GPC6: variants seen among roughly 807,000 people sequenced by gnomAD.
GPC6 encodes glypican 6.
In GPC6, 14 loss-of-function variants were observed where a neutral mutation model predicts 55.2. The observed-to-expected ratio is 0.25, with a 90% CI of 0.17 to 0.40. The LOEUF (loss-of-function observed/expected upper bound fraction) is 0.40, where lower values mean the gene tolerates loss of function less well. Among genes scored for constraint, GPC6 ranks in the 10% least tolerant of loss-of-function variants. The pLI is 1.00. For missense variants in GPC6, 641 were observed against 708.5 expected (o/e 0.90, Z 1.08); for synonymous variants, 278 against 259.6 (o/e 1.07, Z -0.68).
chr13:93,705,030 T>C (rs1882800929), intron 2 of GPC6, among the ~76,000 whole-genome samples: 1 of 151,960 alleles, frequency 6.6e-6, no homozygotes, highest in Non-Finnish European at 1.5e-5. Context: ...ACGTGGTTCC[T>C]CTAGGCATGT....
At chr13:94,180,542 G>A (rs1888954873) in intron 4 of GPC6, among the ~76,000 whole-genome samples, 1 of 152,274 alleles carries the variant, frequency 6.6e-6, no homozygotes, top group Non-Finnish European at 1.5e-5. Context: ...GCATTAAAAT[G>A]TAAGATGTTT....
chr13:93,543,151 G>T (rs952670383), intron 1 of GPC6, among the ~76,000 whole-genome samples: 4 of 152,026 alleles, frequency 2.6e-5, no homozygotes, highest in Non-Finnish European at 5.9e-5. Context: ...TATGATATTG[G>T]CTGTGGGTTT....
At chr13:94,195,850 G>T (rs1381601557) in intron 4 of GPC6, among the ~76,000 whole-genome samples, 1 of 152,182 alleles carries the variant, frequency 6.6e-6, no homozygotes, top group Non-Finnish European at 1.5e-5. Context: ...GTTTACGGGT[G>T]ACTAAGGTTC....
At chr13:94,273,934 A>G (rs893040817) in intron 4 of GPC6, among the ~76,000 whole-genome samples, 7 of 152,210 alleles carry the variant, frequency 4.6e-5, no homozygotes, top group African/African-American at 1.7e-4. Flanking sequence ...TGAAGAATCA[A>G]CAATAAAAAT....
chr13:93,551,707 T>C (rs922664997), intron 2 of GPC6, among the ~76,000 whole-genome samples: 2 of 152,174 alleles, frequency 1.3e-5, no homozygotes, highest in African/African-American at 4.8e-5. Flanking sequence ...GAATGATTAT[T>C]TCTGTATCAT....
At chr13:93,638,309 A>G (rs533843185) in intron 2 of GPC6, among the ~76,000 whole-genome samples, 19 of 152,218 alleles carry the variant, frequency 1.2e-4, no homozygotes, top group African/African-American at 4.3e-4. Flanking sequence ...AATTTTAACT[A>G]TTCATGATAG....
intron 3 of GPC6, among the ~76,000 whole-genome samples, chr13:93,890,429 A>G (rs146157991): frequency 0.01 from 1,591 of 152,170 alleles, 28 homozygotes; most frequent in African/African-American, 0.036. Flanking sequence ...ATCAATAAGT[A>G]TTTGTCGATG....
At chr13:94,205,458 CAA>C (rs1277645026) in intron 4 of GPC6, among the ~76,000 whole-genome samples, 3 of 152,092 alleles carry the variant, frequency 2.0e-5, no homozygotes, top group Non-Finnish European at 4.4e-5. Context: ...GCAAAAACAC[CAA>C]GAGGCCTATT....
intron 1 of GPC6, among the ~76,000 whole-genome samples, chr13:93,326,700 C>T (rs2139130864): frequency 6.6e-6 from 1 of 152,254 alleles, no homozygotes; most frequent in African/African-American, 2.4e-5. Context: ...GAATATTGAA[C>T]TCATATTTAC....
intron 5 of GPC6, among the ~76,000 whole-genome samples, chr13:94,290,840 A>T (rs941029779): frequency 7.2e-5 from 11 of 152,242 alleles, no homozygotes; most frequent in Non-Finnish European, 1.2e-4. Flanking sequence ...CTGTTAATAA[A>T]GAATGTACTT....
intron 4 of GPC6, among the ~76,000 whole-genome samples, chr13:94,058,283 G>A (rs1884200544): frequency 6.6e-6 from 1 of 152,154 alleles, no homozygotes; most frequent in Admixed American, 6.6e-5. Flanking sequence ...ATGATTTCTG[G>A]CCTTCTATTT....
rs527899019 is a variant in GPC6, at chr13:93,583,880, T to C, written c.319+38459T>C. Among the ~76,000 whole-genome samples the C allele has an allele frequency of 3.9e-5, 6 of 152,292 alleles. 1 individual carries two copies. The highest frequency in any genetic ancestry group is 1.4e-4 in the African/African-American group (6 of 41,560). On this transcript the variant is annotated intron_variant, in intron 2 of 8. Transcript: ENST00000377047. Reference sequence around the variant, plus strand: ...CAGTTTTGACATCCTAATCCTTTGGTCTCTGTATCTTCATCCCTCAACCAC... The same window carrying C: ...CAGTTTTGACATCCTAATCCTTTGGCCTCTGTATCTTCATCCCTCAACCAC...
chr13:93,434,948 G>A lies in GPC6; in HGVS notation c.161-110315G>A, dbSNP rs150216283. ...TCTCGATCTCTTAACCTGGTGATCC[G>A]CCTGCCTTGGCCTCCCAAAGTGCTG... On this transcript the variant is annotated intron_variant, in intron 1 of 8. Coordinates refer to ENST00000377047, the MANE Select transcript of GPC6 (RefSeq NM_005708.5). 2.9e-3 allele frequency among the ~76,000 whole-genome samples: 437 copies of A among 152,106 alleles called. 2 individuals are homozygous for A. The highest frequency in any genetic ancestry group is 0.01 in the African/African-American group (425 of 41,498).
At chr13:94,275,951 A>G (rs1892188966) in intron 4 of GPC6, among the ~76,000 whole-genome samples, 2 of 152,230 alleles carry the variant, frequency 1.3e-5, no homozygotes, top group Admixed American at 6.5e-5. Flanking sequence ...TTGAGACTTA[A>G]AGAATCAGAT....
At chr13:94,046,629 T>C (rs1256017611) in intron 4 of GPC6, among the ~76,000 whole-genome samples, 1 of 152,136 alleles carries the variant, frequency 6.6e-6, no homozygotes, top group African/African-American at 2.4e-5. Context: ...CTTTTATTTC[T>C]TATAACATGA....
chr13:93,714,804 A>G (rs532457212), intron 2 of GPC6, among the ~76,000 whole-genome samples: 3 of 151,526 alleles, frequency 2.0e-5, no homozygotes, highest in African/African-American at 7.3e-5. Flanking sequence ...CAGTGTTACT[A>G]TGTTTAATAT....
chr13:94,258,458 C>T (rs1891564773), intron 4 of GPC6, among the ~76,000 whole-genome samples: 1 of 152,208 alleles, frequency 6.6e-6, no homozygotes, highest in Admixed American at 6.5e-5. Flanking sequence ...CAAAAGAAGA[C>T]TCTGGGTTTT....
chr13:93,533,315 ACT>A (rs1412700664), intron 1 of GPC6, among the ~76,000 whole-genome samples: 3 of 152,134 alleles, frequency 2.0e-5, no homozygotes, highest in Admixed American at 6.5e-5. Flanking sequence ...GCTATCAGAA[ACT>A]CTAGCTAAAT....
Position 93,455,998 on chromosome 13 carries a change from C to T in GPC6, c.161-89265C>T, listed in dbSNP as rs187563949. Among the ~76,000 whole-genome samples the T allele has an allele frequency of 1.8e-3, 271 of 152,158 alleles. 1 individual carries two copies. The highest frequency in any genetic ancestry group is 6.2e-3 in the African/African-American group (256 of 41,480). Reference sequence around the variant, plus strand: ...AAAGTAGAATACTTATTTTTTTAGACGGCATTTCTTTGAAGTTGATGTGTT... The same window carrying T: ...AAAGTAGAATACTTATTTTTTTAGATGGCATTTCTTTGAAGTTGATGTGTT... On this transcript the variant is annotated intron_variant, in intron 1 of 8. Transcript: ENST00000377047.
Sources: allele counts gnomAD v4.1 joint callset (sites outside exome capture counted in the v4.1 genomes callset), GRCh38; gene constraint gnomAD v4.1.1; transcripts MANE v1.5; gene names NCBI Gene and HGNC (gene_info 2026-07-23, HGNC 2026-07-21).